Variants in CSTL1 observed in about 807,000 individuals in gnomAD.
CSTL1 encodes cystatin like 1.
In CSTL1, 14 loss-of-function variants were observed where a neutral mutation model predicts 14.4. That is an observed-to-expected ratio of 0.97 (90% CI 0.64 to 1.52). CSTL1 has a LOEUF of 1.52. CSTL1 is among the 40% of genes most tolerant of loss of function. The pLI, the probability that CSTL1 is intolerant of heterozygous loss-of-function variation, is 0.00. For synonymous variants in CSTL1, 72 were observed against 67.5 expected (o/e 1.07, Z -0.33); for missense variants, 170 against 168.7 (o/e 1.01, Z -0.04).
downstream of CSTL1, among the ~76,000 whole-genome samples, chr20:23,447,039 G>C (rs548653302): frequency 6.6e-6 from 1 of 152,126 alleles, no homozygotes; most frequent in Non-Finnish European, 1.5e-5. Flanking sequence ...GCTAATTGAG[G>C]GCTGACTGGG....
chr20:23,444,099 A>G, intron 3 of CSTL1, 55 bp downstream of exon 3: 2 of 1,519,940 alleles, frequency 1.3e-6, no homozygotes, highest in Non-Finnish European at 1.8e-6. Context: ...TTTAAAAAGC[A>G]ACAGCTAGAA....
chr20:23,454,188 A>G, the CSTL1 span, among the ~76,000 whole-genome samples: 5 of 150,180 alleles, frequency 3.3e-5, no homozygotes, highest in African/African-American at 1.2e-4. Context: ...CACATACACA[A>G]TGACACTCAC....
chr20:23,441,105 C>G (rs1986822120), intron 2 of CSTL1, among the ~76,000 whole-genome samples: 2 of 152,116 alleles, frequency 1.3e-5, no homozygotes. Context: ...GATATTTGAC[C>G]CTGCCGGAGT....
At chr20:23,445,011 T>C, downstream of CSTL1, 1 of 679,588 alleles carries the variant, frequency 1.5e-6, no homozygotes, top group Middle Eastern at 3.8e-4. Context: ...CACTTGCACA[T>C]ACTTACCTTC....
chr20:23,457,664 T>C, the CSTL1 span: 5 of 152,058 alleles, frequency 3.3e-5, no homozygotes, highest in African/African-American at 9.7e-5. Context: ...AAGTTGTAAA[T>C]ACCATTGTAC....
the CSTL1 span, among the ~76,000 whole-genome samples, chr20:23,450,995 T>C: frequency 6.6e-6 from 1 of 152,028 alleles, no homozygotes; most frequent in African/African-American, 2.4e-5. Context: ...TGTCCATCCA[T>C]CCATTTGTCC....
At chr20:23,447,201 T>C (rs981310137), downstream of CSTL1, among the ~76,000 whole-genome samples, 1 of 152,240 alleles carries the variant, frequency 6.6e-6, no homozygotes, top group Non-Finnish European at 1.5e-5. Context: ...AGCTTGTTGG[T>C]TGCATTTTTA....
chr20:23,447,822 G>A (rs1048846570), downstream of CSTL1, among the ~76,000 whole-genome samples: 3 of 152,174 alleles, frequency 2.0e-5, no homozygotes, highest in African/African-American at 4.8e-5. Flanking sequence ...ATGTGCTTAT[G>A]TTTAGCCTTT....
At chr20:23,451,639 G>A in the CSTL1 span, among the ~76,000 whole-genome samples, 2 of 152,202 alleles carry the variant, frequency 1.3e-5, no homozygotes, top group Non-Finnish European at 2.9e-5. Flanking sequence ...CAAAGGAGCA[G>A]CATCTCGGCT....
the CSTL1 span, among the ~76,000 whole-genome samples, chr20:23,457,239 G>T: frequency 6.6e-6 from 1 of 152,130 alleles, no homozygotes; most frequent in Non-Finnish European, 1.5e-5. Flanking sequence ...TGGCTGCCTG[G>T]CCAGAAAAGC....
chr20:23,440,179 G>T lies in CSTL1; in HGVS notation c.-89G>T. Reference sequence around the variant, plus strand: ...CCCCAGGAAAGCCTATGTTGGTGAGGGTTATGATGGGAGAATGAGTGAACT... The same window carrying T: ...CCCCAGGAAAGCCTATGTTGGTGAGTGTTATGATGGGAGAATGAGTGAACT... On this transcript the variant is annotated 5_prime_UTR_variant, in exon 2 of 4. Coordinates refer to ENST00000347397, the MANE Select transcript of CSTL1 (RefSeq NM_138283.1). The T allele has an allele frequency of 1.5e-6, 2 of 1,365,252 alleles. No homozygotes were observed. Among genetic ancestry groups the T allele is most frequent in the South Asian group, 1.2e-5 (1 of 80,706 alleles). The allele number at this position is 1,365,252 out of a possible 1,614,324, so 84.6% of individuals were successfully genotyped here.
At chr20:23,450,501 G>A in the CSTL1 span, 1 of 1,606,924 alleles carries the variant, frequency 6.2e-7, no homozygotes, top group Non-Finnish European at 8.5e-7. Flanking sequence ...TACACTCCAG[G>A]ACACCTAGTC....
the CSTL1 span, among the ~76,000 whole-genome samples, chr20:23,455,746 G>A: frequency 6.6e-6 from 1 of 152,228 alleles, no homozygotes; most frequent in African/African-American, 2.4e-5. Context: ...GCCGGGCCAG[G>A]AGGCGCAGGT....
At chr20:23,453,603 C>A in the CSTL1 span, among the ~76,000 whole-genome samples, 1 of 152,138 alleles carries the variant, frequency 6.6e-6, no homozygotes, top group Non-Finnish European at 1.5e-5. Flanking sequence ...GAGCTTGTGT[C>A]CCACGGCACA....
At chr20:23,452,216 T>C in the CSTL1 span, among the ~76,000 whole-genome samples, 1 of 152,232 alleles carries the variant, frequency 6.6e-6, no homozygotes, top group Non-Finnish European at 1.5e-5. Flanking sequence ...AAGGGCTACA[T>C]AGTAAACATC....
intron 3 of CSTL1, 33 bp downstream of exon 3, chr20:23,444,077 T>C (rs766056090): frequency 6.4e-7 from 1 of 1,569,648 alleles, no homozygotes; most frequent in Non-Finnish European, 8.8e-7. Flanking sequence ...AAGGGACTTG[T>C]GAAGTGAATA....
At chr20:23,450,376 A>G in the CSTL1 span, 4 of 611,214 alleles carry the variant, frequency 6.5e-6, no homozygotes, top group South Asian at 6.7e-5. Flanking sequence ...GGATAAAAAG[A>G]AAAAGAAAAA....
the CSTL1 span, chr20:23,459,370 T>A: frequency 1.3e-5 from 2 of 152,132 alleles, no homozygotes; most frequent in Non-Finnish European, 2.9e-5. Context: ...ACCTGCAAAA[T>A]GGGTATAAAA....
chr20:23,453,135 T>C, the CSTL1 span, among the ~76,000 whole-genome samples: 2 of 141,020 alleles, frequency 1.4e-5, no homozygotes, highest in South Asian at 4.7e-4. Context: ...CGAGGGCCCC[T>C]GGGAGTCCTG....
Sources: gnomAD v4.1 joint callset for allele counts (sites outside exome capture counted in the v4.1 genomes callset) on GRCh38, gnomAD v4.1.1 for gene constraint, MANE v1.5 for transcripts, NCBI Gene and HGNC (gene_info 2026-07-23, HGNC 2026-07-21) for gene names.